PRH1: variants seen among roughly 807,000 people sequenced by gnomAD.
PRH1 encodes the protein salivary acidic proline-rich phosphoprotein 1/2.
PRH1 carries 7 observed loss-of-function variants against 7.9 expected under a neutral mutation model. That is an observed-to-expected ratio of 0.89 (90% CI 0.50 to 1.67). The LOEUF (loss-of-function observed/expected upper bound fraction) is 1.67. Ranked by LOEUF, PRH1 falls within the 40% of genes most tolerant of loss-of-function variation. PRH1 has a pLI of 0.00. For synonymous variants in PRH1, 45 were observed against 80.8 expected, an observed-to-expected ratio of 0.56 and a Z score of 2.38; for missense variants, 109 against 223.6, an observed-to-expected ratio of 0.49 and a Z score of 3.27.
downstream of PRH1, among the ~76,000 whole-genome samples, chr12:11,117,113 G>C (rs1368837600): frequency 6.6e-6 from 1 of 152,000 alleles, no homozygotes; most frequent in Non-Finnish European, 1.5e-5. Context: ...CATAGGAAAG[G>C]AACAAGTCAA....
At chr12:10,957,665 T>C (rs552218558) in intron 2 of PRH1, among the ~76,000 whole-genome samples, 2 of 152,162 alleles carry the variant, frequency 1.3e-5, no homozygotes, top group South Asian at 4.1e-4. Context: ...TCGTAAACTA[T>C]GCAAATGACA....
chr12:10,950,897 A>G (rs1162316830), intron 2 of PRH1, among the ~76,000 whole-genome samples: 1 of 152,124 alleles, frequency 6.6e-6, no homozygotes, highest in African/African-American at 2.4e-5. Context: ...CTGAACAAAC[A>G]CACATTAAAA....
intron 2 of PRH1, among the ~76,000 whole-genome samples, chr12:10,969,731 T>C (rs896660198): frequency 2.0e-5 from 3 of 152,210 alleles, no homozygotes; most frequent in African/African-American, 7.2e-5. Flanking sequence ...ATCAATAGCA[T>C]CATTAGCAAG....
At chr12:10,942,273 C>T (rs1950413689) in intron 2 of PRH1, among the ~76,000 whole-genome samples, 1 of 152,128 alleles carries the variant, frequency 6.6e-6, no homozygotes, top group Admixed American at 6.6e-5. Flanking sequence ...GGGTAAGTCA[C>T]TAGAACTCTC....
intron 1 of PRH1, among the ~76,000 whole-genome samples, chr12:11,071,741 G>C (rs78468331): frequency 1.3e-5 from 2 of 151,758 alleles, no homozygotes; most frequent in African/African-American, 4.8e-5. Context: ...CCGGATGCTC[G>C]GCTGGACTGA....
chr12:10,924,097 C>T (rs903827762), intron 2 of PRH1, among the ~76,000 whole-genome samples: 2 of 140,274 alleles, frequency 1.4e-5, no homozygotes, highest in African/African-American at 5.1e-5. Flanking sequence ...ACGCCATTCT[C>T]CTGCCTCAGC....
intron 2 of PRH1, chr12:10,909,216 A>C: frequency 6.2e-7 from 1 of 1,613,732 alleles, no homozygotes; most frequent in Non-Finnish European, 8.5e-7. Context: ...GTTGATCAGT[A>C]CTATAAATCC....
At chr12:11,010,236 G>A (rs1394370277) in intron 1 of PRH1, among the ~76,000 whole-genome samples, 2 of 151,854 alleles carry the variant, frequency 1.3e-5, no homozygotes, top group Non-Finnish European at 2.9e-5. Context: ...TTTTAAAAAT[G>A]TCTTAGACAT....
chr12:11,058,716 C>T (rs1210506765), intron 1 of PRH1, among the ~76,000 whole-genome samples: 5 of 78,916 alleles, frequency 6.3e-5, no homozygotes, highest in Non-Finnish European at 1.6e-4. Flanking sequence ...TTATAGGACT[C>T]TGTGCACGTC....
intron 1 of PRH1, among the ~76,000 whole-genome samples, chr12:11,107,230 G>C (rs1370238909): frequency 4.6e-5 from 7 of 152,088 alleles, no homozygotes; most frequent in Non-Finnish European, 4.4e-5. Context: ...TTCAACTCCT[G>C]TTCTCAAGTG....
intron 1 of PRH1, among the ~76,000 whole-genome samples, chr12:10,991,100 T>C (rs1939910138): frequency 6.6e-6 from 1 of 152,218 alleles, no homozygotes; most frequent in Admixed American, 6.5e-5. Context: ...AAGAATTAAA[T>C]ATTGGCATCA....
intron 1 of PRH1, among the ~76,000 whole-genome samples, chr12:10,981,664 G>A (rs945807265): frequency 2.0e-5 from 3 of 151,824 alleles, no homozygotes; most frequent in Non-Finnish European, 4.4e-5. Flanking sequence ...ATGAGCCACC[G>A]CACCAGGCCC....
chr12:10,895,134 T>C (rs996413684), intron 2 of PRH1: 4 of 152,192 alleles, frequency 2.6e-5, no homozygotes, highest in African/African-American at 7.2e-5. Flanking sequence ...AATGTTAGTA[T>C]GATACTGATG....
intron 1 of PRH1, among the ~76,000 whole-genome samples, chr12:11,018,113 A>C (rs896729025): frequency 6.6e-6 from 1 of 152,172 alleles, no homozygotes; most frequent in Non-Finnish European, 1.5e-5. Flanking sequence ...GCAGAATTCA[A>C]AGCTGCTAGA....
intron 1 of PRH1, among the ~76,000 whole-genome samples, chr12:11,168,207 AAGAAAG>A (rs150872105): frequency 0.076 from 2,890 of 37,952 alleles, 529 homozygotes; most frequent in East Asian, 0.31. Flanking sequence ...AAACGAAAGA[AAGAAAG>A]AAGAAAGAAA....
chr12:10,964,571 A>T lies in PRH1; in HGVS notation c.-59+9084T>A, dbSNP rs1270755609. The stretch of plus-strand genomic sequence containing the variant: ...TGCAGTAGTTTGGCTGAGCATGAGG[A>T]CAGGTTCGTTCTACAGCCTCCTCCT... On this transcript the variant is annotated intron_variant, in intron 2 of 3. Transcript: ENST00000539853. 5.1e-5 allele frequency: 18 copies of T among 352,046 alleles called. No homozygotes were observed. In the East Asian group the frequency reaches 1.1e-3, roughly 21 times the overall value. 21.8% of individuals were successfully genotyped at this position (352,046 alleles called of 1,614,324 possible).
chr12:10,899,388 C>A (rs1330575252), intron 2 of PRH1, among the ~76,000 whole-genome samples: 1 of 151,998 alleles, frequency 6.6e-6, no homozygotes, highest in Non-Finnish European at 1.5e-5. Flanking sequence ...GGATTTGATC[C>A]CCAAAGTAGT....
intron 2 of PRH1, among the ~76,000 whole-genome samples, chr12:10,915,222 T>G (rs1949957312): frequency 6.6e-6 from 1 of 152,218 alleles, no homozygotes; most frequent in Admixed American, 6.5e-5. Flanking sequence ...AAATTCTGAC[T>G]AGATTATATT....
intron 1 of PRH1, among the ~76,000 whole-genome samples, chr12:10,990,660 G>T (rs1565527987): frequency 6.6e-6 from 1 of 152,190 alleles, no homozygotes; most frequent in Non-Finnish European, 1.5e-5. Context: ...TATCTTGAGA[G>T]TACATCAGGA....
Sources: allele counts gnomAD v4.1 joint callset (sites outside exome capture counted in the v4.1 genomes callset), GRCh38; gene constraint gnomAD v4.1.1; transcripts MANE v1.5; gene names NCBI Gene and HGNC (gene_info 2026-07-23, HGNC 2026-07-21).